MEIS2: variants seen among roughly 807,000 people sequenced by gnomAD.
MEIS2 encodes the protein homeobox protein Meis2.
MEIS2 carries 9 observed loss-of-function variants against 58.6 expected under a neutral mutation model. The ratio of observed to expected loss-of-function variants is 0.15; its 90% CI spans 0.09 to 0.27. MEIS2 has a LOEUF of 0.27. Among genes scored for constraint, MEIS2 ranks in the 10% least tolerant of loss-of-function variants. The pLI, the probability that MEIS2 is intolerant of heterozygous loss-of-function variation, is 1.00. For missense variants in MEIS2, 427 were observed against 635.0 expected (o/e 0.67, Z 3.52); for synonymous variants, 221 against 228.4 (o/e 0.97, Z 0.29).
chr15:36,961,385 G>A (rs1595817139), intron 8 of MEIS2, among the ~76,000 whole-genome samples: 2 of 151,672 alleles, frequency 1.3e-5, no homozygotes, highest in Non-Finnish European at 2.9e-5. Context: ...GGATATCTAC[G>A]GACTAAACAT....
At chr15:36,920,218 T>C (rs967379693) in intron 9 of MEIS2, among the ~76,000 whole-genome samples, 1 of 152,134 alleles carries the variant, frequency 6.6e-6, no homozygotes, top group African/African-American at 2.4e-5. Flanking sequence ...GGCTCAATCT[T>C]GGCTCACCGC....
At chr15:37,002,188 G>A (rs951147093) in intron 8 of MEIS2, among the ~76,000 whole-genome samples, 4 of 152,062 alleles carry the variant, frequency 2.6e-5, no homozygotes, top group Non-Finnish European at 5.9e-5. Flanking sequence ...TCTCAGCCTT[G>A]ATGGAAGCAA....
In MEIS2 at chr15:37,099,801, T is replaced by C. The variant is rs1450278672; in HGVS notation, c.-335A>G. 3.0e-5 allele frequency: 8 copies of C among 268,700 alleles called. No homozygotes were observed. The highest frequency in any genetic ancestry group is 2.0e-4 in the East Asian group (3 of 15,320). The allele number at this position is 268,700 out of a possible 1,614,324, so 16.6% of individuals were successfully genotyped here. Reference sequence around the variant, plus strand: ...CCTCTTTCTCTTCTCTTCCCCTCAGTTGGAAAAAAAAAGAAAGAAAAGAAA... The same window carrying C: ...CCTCTTTCTCTTCTCTTCCCCTCAGCTGGAAAAAAAAAGAAAGAAAAGAAA... On this transcript the variant is annotated 5_prime_UTR_variant, in exon 1 of 12. Coordinates refer to ENST00000561208, the MANE Select transcript of MEIS2 (RefSeq NM_170675.5).
At chr15:36,967,912 T>C (rs2059409330) in intron 8 of MEIS2, among the ~76,000 whole-genome samples, 1 of 152,228 alleles carries the variant, frequency 6.6e-6, no homozygotes. Flanking sequence ...GTATGTGTGC[T>C]ATTTTGGGGG....
In MEIS2 at chr15:37,072,125, C is replaced by G. The variant is rs115570542; in HGVS notation, c.754+11646G>C. Among the ~76,000 whole-genome samples the G allele has an allele frequency of 9.3e-3, 1,408 of 152,180 alleles. 23 individuals carry two copies. Among genetic ancestry groups the G allele is most frequent in the African/African-American group, 0.032 (1,338 of 41,526 alleles). On this transcript the variant is annotated intron_variant, in intron 7 of 11. Coordinates refer to ENST00000561208, the MANE Select transcript of MEIS2 (RefSeq NM_170675.5). Reference sequence around the variant, plus strand: ...CGCACCCACCTTCTAGACTATTAATCTATATTCTATATGGAGTCTTCTTTC... The same window carrying G: ...CGCACCCACCTTCTAGACTATTAATGTATATTCTATATGGAGTCTTCTTTC...
rs148770791 is a variant in MEIS2, at chr15:37,054,569, A to G, written c.755-17610T>C. Among the ~76,000 whole-genome samples the G allele has an allele frequency of 6.8e-3, 1,042 of 152,290 alleles. 5 individuals are homozygous for G. The highest frequency in any genetic ancestry group is 0.023 in the African/African-American group (971 of 41,566). ...ATAGCTGGGACTACAGGCATGTGCC[A>G]CCACACCCAGCTGATTTTTAAAATG... On this transcript the variant is annotated intron_variant, in intron 7 of 11. Coordinates refer to ENST00000561208, the MANE Select transcript of MEIS2 (RefSeq NM_170675.5).
intron 8 of MEIS2, among the ~76,000 whole-genome samples, chr15:37,014,805 C>T (rs145398049): frequency 7.3e-5 from 11 of 151,170 alleles, no homozygotes; most frequent in African/African-American, 1.7e-4. Flanking sequence ...CATTCCTCAA[C>T]GGATCACTCC....
At chr15:37,022,360 A>G (rs1023624241) in intron 8 of MEIS2, among the ~76,000 whole-genome samples, 1 of 152,160 alleles carries the variant, frequency 6.6e-6, no homozygotes, top group Non-Finnish European at 1.5e-5. Flanking sequence ...CCTTGGCCTC[A>G]CAAGTGGCTG....
chr15:36,950,230 TTTG>T (rs2058708635), intron 9 of MEIS2, 91 bp downstream of exon 9: 4 of 1,134,708 alleles, frequency 3.5e-6, no homozygotes, highest in Non-Finnish European at 5.0e-6. Flanking sequence ...CTCGATTTCA[TTTG>T]TTTTAGAAAA....
chr15:37,058,273 C>T (rs6495889), intron 7 of MEIS2, among the ~76,000 whole-genome samples: 149,216 of 152,292 alleles, frequency 0.98, 73,172 homozygotes, highest in East Asian at 1. Flanking sequence ...CTCAAGTCAC[C>T]TGCAACACAC....
chr15:37,030,214 C>T (rs1030589438), intron 8 of MEIS2, among the ~76,000 whole-genome samples: 4 of 152,178 alleles, frequency 2.6e-5, no homozygotes, highest in Admixed American at 6.5e-5. Context: ...CACCCCATCC[C>T]TGAAAGTTCA....
At chr15:36,983,650 T>C (rs1051550594) in intron 8 of MEIS2, among the ~76,000 whole-genome samples, 1 of 152,082 alleles carries the variant, frequency 6.6e-6, no homozygotes, top group East Asian at 1.9e-4. Context: ...TACCATATAA[T>C]TTTAGGATTG....
At chr15:37,024,321 C>T (rs951746117) in intron 8 of MEIS2, among the ~76,000 whole-genome samples, 1 of 152,136 alleles carries the variant, frequency 6.6e-6, no homozygotes, top group African/African-American at 2.4e-5. Context: ...CTTTCTCCAC[C>T]TCTTCACATA....
At chr15:37,067,162 T>C (rs1350563413) in intron 7 of MEIS2, among the ~76,000 whole-genome samples, 1 of 150,214 alleles carries the variant, frequency 6.7e-6, no homozygotes, top group Non-Finnish European at 1.5e-5. Context: ...TGATCTCGGC[T>C]CACTGCAACC....
chr15:36,937,898 A>G (rs1235230141), intron 9 of MEIS2, among the ~76,000 whole-genome samples: 1 of 152,204 alleles, frequency 6.6e-6, no homozygotes, highest in African/African-American at 2.4e-5. Context: ...CTCATTTATT[A>G]TCCTATGTAA....
chr15:36,898,354 A>G (rs1168632756), intron 9 of MEIS2: 3 of 152,250 alleles, frequency 2.0e-5, no homozygotes, highest in Non-Finnish European at 4.4e-5. Context: ...AACCGTTTTT[A>G]TCAGCTCACC....
At chr15:36,927,070 T>C (rs1281880047) in intron 9 of MEIS2, among the ~76,000 whole-genome samples, 1 of 152,230 alleles carries the variant, frequency 6.6e-6, no homozygotes, top group Non-Finnish European at 1.5e-5. Flanking sequence ...CTTTTCTTCC[T>C]ACCGATGTGC....
At chr15:37,032,796 G>A (rs2061982868) in intron 8 of MEIS2, among the ~76,000 whole-genome samples, 1 of 151,984 alleles carries the variant, frequency 6.6e-6, no homozygotes, top group Admixed American at 6.6e-5. Context: ...TTGAAAATAG[G>A]GTAGTTCGAA....
At chr15:36,956,824 G>T (rs1383815839) in intron 8 of MEIS2, among the ~76,000 whole-genome samples, 1 of 143,494 alleles carries the variant, frequency 7.0e-6, no homozygotes, top group African/African-American at 2.6e-5. Context: ...AACATAGACC[G>T]ATTTGGATTA....
Sources: allele counts gnomAD v4.1 joint callset (sites outside exome capture counted in the v4.1 genomes callset), GRCh38; gene constraint gnomAD v4.1.1; transcripts MANE v1.5; gene names NCBI Gene and HGNC (gene_info 2026-07-23, HGNC 2026-07-21).